Variants in STOX2 observed in about 807,000 individuals in gnomAD.
The protein encoded by STOX2 is storkhead-box protein 2.
STOX2 carries 28 observed loss-of-function variants against 60.9 expected under a neutral mutation model. The ratio of observed to expected loss-of-function variants is 0.46; its 90% CI spans 0.34 to 0.63. STOX2 has a LOEUF of 0.63. Ranked by LOEUF, STOX2 falls within the 30% of genes least tolerant of loss-of-function variation. The probability of loss-of-function intolerance (pLI) is 0.01; values close to 1 mark genes in which losing one functional copy is unlikely to be tolerated. For synonymous variants in STOX2, 472 were observed against 463.9 expected, an observed-to-expected ratio of 1.02 and a Z score of -0.22; for missense variants, 1,024 against 1,187.7, an observed-to-expected ratio of 0.86 and a Z score of 2.03.
chr4:183,947,479 G>A (rs971189484), intron 1 of STOX2, among the ~76,000 whole-genome samples: 18 of 151,994 alleles, frequency 1.2e-4, no homozygotes, highest in Non-Finnish European at 7.4e-5. Flanking sequence ...TGGCCCTTTG[G>A]TTCTACACAG....
intron 1 of STOX2, among the ~76,000 whole-genome samples, chr4:183,802,011 C>T (rs1171884023): frequency 6.6e-6 from 1 of 152,208 alleles, no homozygotes; most frequent in Non-Finnish European, 1.5e-5. Flanking sequence ...ACGGTTAGTA[C>T]CCGAAGAAAG....
At chr4:183,920,204 C>T (rs1214241506) in intron 1 of STOX2, among the ~76,000 whole-genome samples, 1 of 152,166 alleles carries the variant, frequency 6.6e-6, no homozygotes, top group Non-Finnish European at 1.5e-5. Flanking sequence ...CAACCTCCGC[C>T]TCCTGGGTTC....
intron 1 of STOX2, among the ~76,000 whole-genome samples, chr4:183,883,421 G>A (rs770228502): frequency 5.9e-5 from 9 of 151,548 alleles, no homozygotes; most frequent in Non-Finnish European, 7.4e-5. Context: ...CCAGGTTCAT[G>A]CCATTCTCCT....
chr4:183,990,494 T>C (rs1733055098), intron 1 of STOX2, among the ~76,000 whole-genome samples: 1 of 151,046 alleles, frequency 6.6e-6, no homozygotes. Context: ...TTTTTTCTGC[T>C]GTCTACATCT....
intron 3 of STOX2, among the ~76,000 whole-genome samples, chr4:184,013,830 C>T (rs564652856): frequency 1.3e-5 from 2 of 152,170 alleles, no homozygotes; most frequent in South Asian, 4.2e-4. Context: ...ACTCTGTTGC[C>T]CAGGCTGGAG....
chr4:183,940,182 C>T (rs1742715058), intron 1 of STOX2, among the ~76,000 whole-genome samples: 1 of 152,194 alleles, frequency 6.6e-6, no homozygotes, highest in African/African-American at 2.4e-5. Flanking sequence ...GGATTACAGG[C>T]GTGAGCCACC....
chr4:183,953,251 G>A (rs1163538914), intron 1 of STOX2, among the ~76,000 whole-genome samples: 1 of 152,022 alleles, frequency 6.6e-6, no homozygotes, highest in Non-Finnish European at 1.5e-5. Flanking sequence ...TTTTAAAGAA[G>A]TGTATTCTGG....
At chr4:183,885,157 A>G (rs1009046990) in intron 1 of STOX2, among the ~76,000 whole-genome samples, 2 of 151,846 alleles carry the variant, frequency 1.3e-5, no homozygotes, top group Non-Finnish European at 2.9e-5. Flanking sequence ...CTACTCCCCC[A>G]TCAGAGTATA....
At chr4:183,970,411 G>T (rs1375470372) in intron 1 of STOX2, among the ~76,000 whole-genome samples, 1 of 151,992 alleles carries the variant, frequency 6.6e-6, no homozygotes, top group East Asian at 1.9e-4. Flanking sequence ...AGTTGGGTTG[G>T]GTGCTCCTCA....
intron 1 of STOX2, among the ~76,000 whole-genome samples, chr4:183,970,478 C>A (rs2111174573): frequency 6.6e-6 from 1 of 152,278 alleles, no homozygotes; most frequent in South Asian, 2.1e-4. Context: ...TGAGAAGGAG[C>A]CCCTGGGACC....
Position 183,983,420 on chromosome 4 carries a change from G to A in STOX2, c.167-17905G>A, listed in dbSNP as rs1732727280. Among the ~76,000 whole-genome samples the A allele has an allele frequency of 3.9e-5, 6 of 152,292 alleles. No individual in the cohort carries two copies. In the South Asian group the frequency reaches 1.0e-3, roughly 26 times the overall value. ...CCTCAGCCACATGCTAGGATCTCAC[G>A]TGCTGTGTTTTATAAGTGTGTTTTG... is the stretch of plus-strand genomic sequence containing the variant. On this transcript the variant is annotated intron_variant, in intron 1 of 3. Coordinates refer to ENST00000308497, the MANE Select transcript of STOX2 (RefSeq NM_020225.3).
chr4:183,843,843 G>A lies in STOX2; in HGVS notation c.364+45788G>A, dbSNP rs72695303. Among the ~76,000 whole-genome samples, 8 of 152,124 alleles carry A rather than the reference G, an allele frequency of 5.3e-5. No individual in the cohort carries two copies. In the South Asian group the frequency reaches 6.2e-4, roughly 12 times the overall value. Reference sequence around the variant, plus strand: ...ATAATCCATGTTCTTTTCTTCATACGTCACTGTATCTTATAATAATTGTAA... The same window carrying A: ...ATAATCCATGTTCTTTTCTTCATACATCACTGTATCTTATAATAATTGTAA... On this transcript the variant is annotated intron_variant, in intron 1 of 2. Coordinates refer to the STOX2 transcript ENST00000513034.
intron 1 of STOX2, among the ~76,000 whole-genome samples, chr4:183,888,654 T>G (rs1741138413): frequency 6.6e-6 from 1 of 152,252 alleles, no homozygotes; most frequent in African/African-American, 2.4e-5. Context: ...TGGTTACTTC[T>G]TATTCTGACT....
rs375295362 is a variant in STOX2, at chr4:183,848,916, T to C, written c.364+50861T>C. Among the ~76,000 whole-genome samples, 13 of 152,232 alleles carry C rather than the reference T, an allele frequency of 8.5e-5. No individual in the cohort carries two copies. In the East Asian group the frequency reaches 1.2e-3, roughly 14 times the overall value. ...CCAGGTGGAGGGAATAGAATTCTGC[T>C]GAGTGCCTGGTTTCTGGCTCTGGCT... On this transcript the variant is annotated intron_variant, in intron 1 of 2. Coordinates refer to the STOX2 transcript ENST00000513034.
At chr4:183,972,798 A>G (rs1244121848) in intron 1 of STOX2, among the ~76,000 whole-genome samples, 1 of 152,246 alleles carries the variant, frequency 6.6e-6, no homozygotes, top group Non-Finnish European at 1.5e-5. Context: ...GTGAAAGAAC[A>G]AGTAACAGTT....
At chr4:183,841,889 T>C (rs990256265) in intron 1 of STOX2, among the ~76,000 whole-genome samples, 3 of 152,220 alleles carry the variant, frequency 2.0e-5, no homozygotes, top group African/African-American at 4.8e-5. Flanking sequence ...GTCATACAAT[T>C]TGAAAGAGTC....
In STOX2 at chr4:183,818,753, C is replaced by T. The variant is rs1033996261; in HGVS notation, c.364+20698C>T. Among the ~76,000 whole-genome samples the T allele has an allele frequency of 8.6e-5, 13 of 151,714 alleles. No homozygotes were observed. In the East Asian group the frequency reaches 9.8e-4, roughly 11 times the overall value. ...CTCCCCACCTCCCTCCTGGACAGGG[C>T]GGCTGCTGGGCGGAGACGCTCCCCA... On this transcript the variant is annotated intron_variant, in intron 1 of 2. Coordinates refer to the STOX2 transcript ENST00000513034.
intron 1 of STOX2, among the ~76,000 whole-genome samples, chr4:183,949,852 C>G (rs1743016347): frequency 6.6e-6 from 1 of 152,128 alleles, no homozygotes; most frequent in Non-Finnish European, 1.5e-5. Context: ...CCAAGTCATG[C>G]TTCCCATTTT....
chr4:183,930,560 A>G (rs6849976), intron 1 of STOX2, among the ~76,000 whole-genome samples: 39,907 of 147,006 alleles, frequency 0.27, 10,180 homozygotes, highest in African/African-American at 0.67. Flanking sequence ...GTCTCATTAT[A>G]TTGCCCAGGC....
Sources: allele counts gnomAD v4.1 joint callset (sites outside exome capture counted in the v4.1 genomes callset), GRCh38; gene constraint gnomAD v4.1.1; transcripts MANE v1.5; gene names NCBI Gene and HGNC (gene_info 2026-07-23, HGNC 2026-07-21).